ST8SIA6: variants seen among roughly 807,000 people sequenced by gnomAD.
ST8SIA6 encodes the protein ST8 alpha-N-acetyl-neuraminide alpha-2,8-sialyltransferase 6.
Under a neutral mutation model 33.6 loss-of-function variants are expected in ST8SIA6, and 39 were observed. The ratio of observed to expected loss-of-function variants is 1.16; its 90% CI spans 0.90 to 1.52. The LOEUF is 1.52. ST8SIA6 is among the 40% of genes most tolerant of loss of function. The pLI, the probability that ST8SIA6 is intolerant of heterozygous loss-of-function variation, is 0.00. For synonymous variants in ST8SIA6, 172 were observed against 167.2 expected (o/e 1.03, Z -0.22); for missense variants, 441 against 443.8 (o/e 0.99, Z 0.06).
intron 4 of ST8SIA6, among the ~76,000 whole-genome samples, chr10:17,337,737 G>T (rs1486298678): frequency 6.6e-6 from 1 of 152,070 alleles, no homozygotes; most frequent in African/African-American, 2.4e-5. Context: ...TTCTGATCTT[G>T]GGTGACTCTA....
intron 2 of ST8SIA6, among the ~76,000 whole-genome samples, chr10:17,432,353 A>G (rs1355999572): frequency 6.6e-6 from 1 of 152,180 alleles, no homozygotes; most frequent in East Asian, 1.9e-4. Flanking sequence ...AGATTCTGGA[A>G]GGGGACACTA....
intron 2 of ST8SIA6, among the ~76,000 whole-genome samples, chr10:17,443,075 GT>G (rs1852562742): frequency 6.6e-6 from 1 of 152,202 alleles, no homozygotes; most frequent in Non-Finnish European, 1.5e-5. Context: ...AACATGGTGT[GT>G]TGGATGGACT....
intron 2 of ST8SIA6, among the ~76,000 whole-genome samples, chr10:17,393,288 C>A (rs1367836285): frequency 6.6e-6 from 1 of 152,196 alleles, no homozygotes; most frequent in Non-Finnish European, 1.5e-5. Context: ...GGTCATGGGA[C>A]TTCTCAGCCT....
chr10:17,446,247 A>G (rs557402923), intron 2 of ST8SIA6, among the ~76,000 whole-genome samples: 4 of 152,254 alleles, frequency 2.6e-5, no homozygotes, highest in African/African-American at 4.8e-5. Flanking sequence ...AAATCACAAA[A>G]CTTATGAAAA....
chr10:17,443,906 G>A (rs1251746547), intron 2 of ST8SIA6, among the ~76,000 whole-genome samples: 8 of 152,112 alleles, frequency 5.3e-5, no homozygotes, highest in East Asian at 1.9e-4. Context: ...CAGAACCCTC[G>A]CACCCTTAGA....
At chr10:17,436,652 T>C (rs941551827) in intron 2 of ST8SIA6, among the ~76,000 whole-genome samples, 1 of 151,704 alleles carries the variant, frequency 6.6e-6, no homozygotes, top group Non-Finnish European at 1.5e-5. Flanking sequence ...GATAGTTTGC[T>C]GAGAATGATG....
At chr10:17,353,878 A>G (rs1003674605) in intron 4 of ST8SIA6, among the ~76,000 whole-genome samples, 1 of 152,194 alleles carries the variant, frequency 6.6e-6, no homozygotes, top group Non-Finnish European at 1.5e-5. Flanking sequence ...ATCAAATGGT[A>G]TTAGTGGCTC....
intron 2 of ST8SIA6, among the ~76,000 whole-genome samples, chr10:17,393,625 A>T (rs927311975): frequency 1.3e-5 from 2 of 152,174 alleles, no homozygotes; most frequent in Non-Finnish European, 2.9e-5. Context: ...GTGTAACTGG[A>T]GACTTCAGCA....
chr10:17,438,762 C>T (rs919709609), intron 2 of ST8SIA6, among the ~76,000 whole-genome samples: 2 of 152,166 alleles, frequency 1.3e-5, no homozygotes, highest in Admixed American at 6.5e-5. Flanking sequence ...TTGACCTTTG[C>T]GGTATTTATT....
chr10:17,331,611 A>T, intron 4 of ST8SIA6, 59 bp from the exon 5 acceptor site: 1 of 1,526,950 alleles, frequency 6.5e-7, no homozygotes, highest in African/African-American at 1.4e-5. Context: ...CCGAAAATGC[A>T]GACCACGATG....
intron 4 of ST8SIA6, among the ~76,000 whole-genome samples, chr10:17,346,471 A>G (rs373080667): frequency 6.6e-6 from 1 of 152,096 alleles, no homozygotes; most frequent in Non-Finnish European, 1.5e-5. Flanking sequence ...GCATGCTCCT[A>G]TAGTCCCAGC....
intron 2 of ST8SIA6, among the ~76,000 whole-genome samples, chr10:17,406,304 C>A (rs1165945288): frequency 6.6e-6 from 1 of 152,190 alleles, no homozygotes; most frequent in East Asian, 1.9e-4. Context: ...AGCAACAAAG[C>A]CAGGAGATTC....
At chr10:17,397,477 C>G (rs1223846531) in intron 2 of ST8SIA6, among the ~76,000 whole-genome samples, 1 of 152,024 alleles carries the variant, frequency 6.6e-6, no homozygotes, top group Admixed American at 6.5e-5. Context: ...TCAGGTGATC[C>G]GCCCGCCTCG....
chr10:17,412,942 ACTC>A (rs768223891), intron 2 of ST8SIA6, among the ~76,000 whole-genome samples: 17 of 152,186 alleles, frequency 1.1e-4, no homozygotes, highest in Non-Finnish European at 1.9e-4. Flanking sequence ...TGTCATGTGT[ACTC>A]CAAAACTATG....
At chr10:17,442,541 T>C (rs1419087352) in intron 2 of ST8SIA6, among the ~76,000 whole-genome samples, 4 of 152,204 alleles carry the variant, frequency 2.6e-5, no homozygotes, top group African/African-American at 9.6e-5. Context: ...GATCTGTAGC[T>C]TTTCAAAGAG....
At chr10:17,440,205 G>A (rs1588928205) in intron 2 of ST8SIA6, among the ~76,000 whole-genome samples, 1 of 128,072 alleles carries the variant, frequency 7.8e-6, no homozygotes, top group Non-Finnish European at 1.5e-5. Context: ...TTTCTCAAAT[G>A]TATTTTTTTT....
intron 4 of ST8SIA6, among the ~76,000 whole-genome samples, chr10:17,341,316 T>A (rs1273826304): frequency 6.6e-6 from 1 of 152,134 alleles, no homozygotes; most frequent in Non-Finnish European, 1.5e-5. Flanking sequence ...GGGAACAGAT[T>A]GAAATCCATG....
At chr10:17,363,637 A>T (rs1055528794) in intron 3 of ST8SIA6, among the ~76,000 whole-genome samples, 2 of 152,144 alleles carry the variant, frequency 1.3e-5, no homozygotes, top group African/African-American at 4.8e-5. Flanking sequence ...GGCTCATACA[A>T]GCTTATGGGA....
At chr10:17,371,799 A>AAAAAAC (rs1849743131) in intron 3 of ST8SIA6, among the ~76,000 whole-genome samples, 1 of 145,892 alleles carries the variant, frequency 6.9e-6, no homozygotes, top group Non-Finnish European at 1.5e-5. Context: ...AAAAAAAAAA[A>AAAAAAC]AAAAGAAAGA....
Sources: allele counts gnomAD v4.1 joint callset (sites outside exome capture counted in the v4.1 genomes callset), GRCh38; gene constraint gnomAD v4.1.1; transcripts MANE v1.5; gene names NCBI Gene and HGNC (gene_info 2026-07-23, HGNC 2026-07-21).